MAGI2: variants seen among roughly 807,000 people sequenced by gnomAD.
MAGI2 encodes membrane associated guanylate kinase, WW and PDZ domain containing 2.
A neutral mutation model predicts 133.3 loss-of-function variants in MAGI2; 35 were observed. That is an observed-to-expected ratio of 0.26 (90% confidence interval 0.20 to 0.35). The LOEUF (loss-of-function observed/expected upper bound fraction) is 0.35, where lower values mean the gene tolerates loss of function less well. Ranked by LOEUF, MAGI2 falls within the 10% of genes least tolerant of loss-of-function variation. MAGI2 has a pLI of 1.00. For missense variants in MAGI2, 1,636 were observed against 1,863.4 expected, an observed-to-expected ratio of 0.88 and a Z score of 2.25; for synonymous variants, 729 against 710.6, an observed-to-expected ratio of 1.03 and a Z score of -0.41.
intron 1 of MAGI2, among the ~76,000 whole-genome samples, chr7:79,136,080 A>AGAAAGAAG (rs1562929273): frequency 6.0e-4 from 77 of 128,118 alleles, no homozygotes; most frequent in African/African-American, 2.1e-3. Flanking sequence ...AAAGAAAGAA[A>AGAAAGAAG]GAAAGAAAGA....
At chr7:78,401,721 TGTTA>T (rs1796886285) in intron 6 of MAGI2, among the ~76,000 whole-genome samples, 2 of 152,172 alleles carry the variant, frequency 1.3e-5, no homozygotes, top group Admixed American at 6.6e-5. Flanking sequence ...CATCGACAGC[TGTTA>T]GTAATTTATT....
chr7:79,152,816 G>C (rs1172341166), intron 1 of MAGI2, among the ~76,000 whole-genome samples: 2 of 152,152 alleles, frequency 1.3e-5, no homozygotes, highest in Middle Eastern at 3.2e-3. Context: ...GGTAGCAGTA[G>C]AGCTTATTGT....
intron 2 of MAGI2, among the ~76,000 whole-genome samples, chr7:78,798,620 G>C (rs973587936): frequency 2.6e-5 from 4 of 152,048 alleles, no homozygotes; most frequent in Non-Finnish European, 4.4e-5. Flanking sequence ...CAATCTTTAG[G>C]CTTCAGGATG....
At chr7:79,427,029 T>A (rs2129183834) in intron 1 of MAGI2, among the ~76,000 whole-genome samples, 1 of 152,308 alleles carries the variant, frequency 6.6e-6, no homozygotes, top group African/African-American at 2.4e-5. Flanking sequence ...AGCACTAAAC[T>A]ATAAAATATT....
At chr7:79,312,008 T>C (rs182020587) in intron 1 of MAGI2, among the ~76,000 whole-genome samples, 75 of 152,244 alleles carry the variant, frequency 4.9e-4, no homozygotes, top group Admixed American at 1.5e-3. Context: ...CCTCTCATAT[T>C]TTTCTCCTGA....
intron 3 of MAGI2, among the ~76,000 whole-genome samples, chr7:78,536,519 A>G (rs10276285): frequency 0.039 from 5,878 of 152,202 alleles, 383 homozygotes; most frequent in African/African-American, 0.13. Context: ...GTGGAAGGTG[A>G]TGGAATGGAG....
chr7:78,970,787 G>T (rs1231493434), intron 2 of MAGI2, among the ~76,000 whole-genome samples: 1 of 152,030 alleles, frequency 6.6e-6, no homozygotes, highest in Non-Finnish European at 1.5e-5. Flanking sequence ...GTTAGCAAAG[G>T]ATATAACAAA....
intron 1 of MAGI2, among the ~76,000 whole-genome samples, chr7:79,443,585 A>G (rs1365843108): frequency 1.3e-5 from 2 of 152,160 alleles, no homozygotes; most frequent in African/African-American, 4.8e-5. Context: ...ACATAGCAAC[A>G]CAAAATACTC....
intron 2 of MAGI2, chr7:78,904,269 TAGA>T (rs912620281): frequency 2.6e-5 from 4 of 151,934 alleles, no homozygotes; most frequent in Admixed American, 2.6e-4. Context: ...AGAAAGACAA[TAGA>T]AGAAAATTTC....
chr7:79,018,435 AC>A (rs1808955278), intron 1 of MAGI2, among the ~76,000 whole-genome samples: 1 of 152,188 alleles, frequency 6.6e-6, no homozygotes, highest in East Asian at 1.9e-4. Flanking sequence ...ACCAACCACT[AC>A]AAAAGCACAT....
intron 6 of MAGI2, among the ~76,000 whole-genome samples, chr7:78,445,453 T>C (rs1157729618): frequency 6.6e-6 from 1 of 152,086 alleles, no homozygotes; most frequent in Non-Finnish European, 1.5e-5. Flanking sequence ...TGCTGTATAC[T>C]TGTTTGAGAA....
intron 3 of MAGI2, among the ~76,000 whole-genome samples, chr7:78,575,200 T>C (rs1408919562): frequency 1.3e-5 from 2 of 152,108 alleles, no homozygotes; most frequent in Non-Finnish European, 2.9e-5. Context: ...ACTATCACTA[T>C]CATTCCATTT....
chr7:78,802,397 G>T (rs945459993), intron 2 of MAGI2, among the ~76,000 whole-genome samples: 3 of 152,062 alleles, frequency 2.0e-5, no homozygotes, highest in Non-Finnish European at 4.4e-5. Flanking sequence ...TGTTCTAAGT[G>T]CAAATAGAAG....
At chr7:78,259,740 C>T (rs1226300514) in intron 9 of MAGI2, among the ~76,000 whole-genome samples, 1 of 152,176 alleles carries the variant, frequency 6.6e-6, no homozygotes, top group Non-Finnish European at 1.5e-5. Flanking sequence ...AGTCCCCAAG[C>T]ACGCTCTCTC....
chr7:78,836,914 C>T (rs749406157), intron 2 of MAGI2, among the ~76,000 whole-genome samples: 8 of 152,116 alleles, frequency 5.3e-5, no homozygotes, highest in East Asian at 1.9e-4. Flanking sequence ...CTCAGCTGTT[C>T]GTACTTTGTG....
intron 1 of MAGI2, among the ~76,000 whole-genome samples, chr7:79,331,886 T>C (rs1298715402): frequency 6.6e-6 from 1 of 151,758 alleles, no homozygotes; most frequent in Non-Finnish European, 1.5e-5. Context: ...GCATGGCACA[T>C]GTATACATAT....
At chr7:79,313,892 T>A (rs1216907410) in intron 1 of MAGI2, among the ~76,000 whole-genome samples, 1 of 151,326 alleles carries the variant, frequency 6.6e-6, no homozygotes, top group East Asian at 2.0e-4. Flanking sequence ...AATCTCCACC[T>A]CCTGGGTTCA....
chr7:78,673,670 G>A (rs979824337), intron 2 of MAGI2, among the ~76,000 whole-genome samples: 5 of 152,034 alleles, frequency 3.3e-5, no homozygotes, highest in Admixed American at 6.6e-5. Flanking sequence ...CTGATTGGCT[G>A]AGACCCACTC....
chr7:78,421,871 A>G (rs1798831421), intron 6 of MAGI2, among the ~76,000 whole-genome samples: 1 of 152,304 alleles, frequency 6.6e-6, no homozygotes, highest in African/African-American at 2.4e-5. Context: ...GGTGTAACCT[A>G]TAGGAGTTGT....
Sources: allele counts gnomAD v4.1 joint callset (sites outside exome capture counted in the v4.1 genomes callset), GRCh38; gene constraint gnomAD v4.1.1; transcripts MANE v1.5; gene names NCBI Gene and HGNC (gene_info 2026-07-23, HGNC 2026-07-21).